The following HHAT variants were observed in gnomAD, a reference collection of about 807,000 sequenced individuals.
HHAT encodes the protein protein-cysteine N-palmitoyltransferase HHAT.
Under a neutral mutation model 70.8 loss-of-function variants are expected in HHAT, and 47 were observed. That is an observed-to-expected ratio of 0.66 (90% CI 0.53 to 0.85). The LOEUF (loss-of-function observed/expected upper bound fraction) is 0.85. Ranked by LOEUF, HHAT falls within the 40% of genes least tolerant of loss-of-function variation. The pLI is 0.00. For synonymous variants in HHAT, 228 were observed against 247.6 expected (o/e 0.92, Z 0.74); for missense variants, 609 against 604.8 (o/e 1.01, Z -0.07).
intron 9 of HHAT, among the ~76,000 whole-genome samples, chr1:210,533,684 G>A (rs1434135343): frequency 6.6e-6 from 1 of 152,128 alleles, no homozygotes; most frequent in Non-Finnish European, 1.5e-5. Flanking sequence ...AAAAAATCAA[G>A]CTATGTCATC....
intron 1 of HHAT, chr1:210,329,549 T>G: frequency 1.1e-6 from 1 of 937,230 alleles, no homozygotes; most frequent in Non-Finnish European, 1.3e-6. Flanking sequence ...GAGTCTAACC[T>G]TCAGGTGGCA....
At chr1:210,354,047 A>G (rs557661613) in intron 2 of HHAT, among the ~76,000 whole-genome samples, 31 of 152,282 alleles carry the variant, frequency 2.0e-4, no homozygotes, top group Admixed American at 5.9e-4. Flanking sequence ...GGCTGTTCTC[A>G]GGAAGGCTGG....
intron 10 of HHAT, among the ~76,000 whole-genome samples, chr1:210,611,820 G>A (rs769494474): frequency 5.9e-5 from 9 of 152,192 alleles, no homozygotes; most frequent in East Asian, 5.8e-4. Context: ...ATTGATTTGC[G>A]TATGTGGAAC....
At chr1:210,335,414 G>A (rs747166346) in intron 1 of HHAT, among the ~76,000 whole-genome samples, 23 of 151,596 alleles carry the variant, frequency 1.5e-4, no homozygotes, top group Non-Finnish European at 2.6e-4. Flanking sequence ...CTATAGATTC[G>A]GGCCAATCCC....
At chr1:210,474,446 A>G (rs918469893) in intron 8 of HHAT, among the ~76,000 whole-genome samples, 2 of 152,196 alleles carry the variant, frequency 1.3e-5, no homozygotes, top group African/African-American at 2.4e-5. Context: ...GTGCACCACC[A>G]TGCTTGGCAT....
chr1:210,357,546 G>A (rs1257502636), intron 2 of HHAT, among the ~76,000 whole-genome samples: 1 of 152,166 alleles, frequency 6.6e-6, no homozygotes, highest in East Asian at 1.9e-4. Flanking sequence ...ATTTGGCTGG[G>A]TACGGTGGCT....
chr1:210,632,271 T>G (rs1186761292), intron 11 of HHAT, among the ~76,000 whole-genome samples: 1 of 152,226 alleles, frequency 6.6e-6, no homozygotes, highest in East Asian at 1.9e-4. Context: ...AGCATCATTG[T>G]CTAGGGTAAA....
intron 11 of HHAT, among the ~76,000 whole-genome samples, chr1:210,659,190 G>T (rs574134002): frequency 6.6e-6 from 1 of 152,236 alleles, no homozygotes; most frequent in South Asian, 2.1e-4. Flanking sequence ...TAGGCCACTA[G>T]CAAGACTAAC....
intron 6 of HHAT, among the ~76,000 whole-genome samples, chr1:210,410,670 G>A (rs2092516949): frequency 6.6e-6 from 1 of 151,834 alleles, no homozygotes; most frequent in South Asian, 2.1e-4. Context: ...GGGATTACAG[G>A]CACCTGCCAC....
intron 8 of HHAT, among the ~76,000 whole-genome samples, chr1:210,487,554 G>C (rs1049535975): frequency 6.6e-6 from 1 of 152,102 alleles, no homozygotes; most frequent in South Asian, 2.1e-4. Flanking sequence ...TGTGTTTCTC[G>C]TATGACACTG....
rs536675256 is a variant in HHAT, at chr1:210,520,688, T to TA, written c.1043+7502dup. ...CTGAAACATTAAATTTGTCAATTTA[T>TA]AATTTTTATTGCTCTTTAGGTTACA... On this transcript the variant is annotated intron_variant, in intron 9 of 11. Transcript: ENST00000261458. Among the ~76,000 whole-genome samples the TA allele has an allele frequency of 1.7e-3, 259 of 152,362 alleles. 2 individuals carry two copies. Among genetic ancestry groups the TA allele is most frequent in the Admixed American group, 5.4e-3 (82 of 15,310 alleles).
chr1:210,674,207 A>G (rs1680760475), intron 11 of HHAT, 81 bp from the exon 12 acceptor site: 9 of 1,220,532 alleles, frequency 7.4e-6, no homozygotes, highest in South Asian at 1.2e-5. Flanking sequence ...TGCCTTCTCC[A>G]AAAGGGGACA....
chr1:210,344,764 A>G (rs1331021757), intron 1 of HHAT, among the ~76,000 whole-genome samples: 1 of 152,162 alleles, frequency 6.6e-6, no homozygotes, highest in East Asian at 1.9e-4. Context: ...AGACCTTGAA[A>G]TAGTACAGGC....
At chr1:210,483,845 A>C (rs1028384) in intron 8 of HHAT, among the ~76,000 whole-genome samples, 148,938 of 152,240 alleles carry the variant, frequency 0.98, 72,869 homozygotes, top group East Asian at 1. Context: ...AAGTATAAAT[A>C]CATTTCTGTA....
chr1:210,597,399 G>GT (rs1663244439), intron 10 of HHAT, among the ~76,000 whole-genome samples: 1 of 152,164 alleles, frequency 6.6e-6, no homozygotes, highest in African/African-American at 2.4e-5. Flanking sequence ...AGCCAGACTT[G>GT]TATCCTTCCC....
At chr1:210,496,249 A>G (rs956410815) in intron 8 of HHAT, among the ~76,000 whole-genome samples, 6 of 152,124 alleles carry the variant, frequency 3.9e-5, no homozygotes, top group African/African-American at 1.2e-4. Context: ...TTCCAGGCCT[A>G]TGCCTGTGGC....
At chr1:210,426,087 T>C (rs1007670484) in intron 7 of HHAT, among the ~76,000 whole-genome samples, 7 of 152,226 alleles carry the variant, frequency 4.6e-5, no homozygotes, top group African/African-American at 1.7e-4. Context: ...TGCTAGGTAT[T>C]TTATTCCTTT....
At chr1:210,559,092 AT>A (rs539827968) in intron 9 of HHAT, among the ~76,000 whole-genome samples, 14 of 152,328 alleles carry the variant, frequency 9.2e-5, no homozygotes, top group African/African-American at 3.1e-4. Flanking sequence ...ATTCCCATAG[AT>A]ATCACAGAGC....
chr1:210,349,198 G>A, intron 2 of HHAT, 132 bp downstream of exon 2: 1 of 938,254 alleles, frequency 1.1e-6, no homozygotes, highest in Non-Finnish European at 1.6e-6. Context: ...GCTTCCCCAT[G>A]TCTTGGATAG....
Sources: allele counts gnomAD v4.1 joint callset (sites outside exome capture counted in the v4.1 genomes callset), GRCh38; gene constraint gnomAD v4.1.1; transcripts MANE v1.5; gene names NCBI Gene and HGNC (gene_info 2026-07-23, HGNC 2026-07-21).